TYW1B: variants seen among roughly 807,000 people sequenced by gnomAD.
TYW1B encodes the protein tRNA-yW synthesizing protein 1 homolog B.
Under a neutral mutation model 86.9 loss-of-function variants are expected in TYW1B, and 73 were observed. The observed-to-expected ratio is 0.84, with a 90% CI of 0.70 to 1.02. TYW1B has a LOEUF of 1.02. Ranked by LOEUF, TYW1B falls within the 50% of genes least tolerant of loss-of-function variation. The pLI, the probability that TYW1B is intolerant of heterozygous loss-of-function variation, is 0.00. For synonymous variants in TYW1B, 248 were observed against 292.8 expected, an observed-to-expected ratio of 0.85 and a Z score of 1.56; for missense variants, 637 against 827.4, an observed-to-expected ratio of 0.77 and a Z score of 2.82.
At chr7:72,593,524 T>C (rs1274816540) in intron 13 of TYW1B, among the ~76,000 whole-genome samples, 2 of 151,672 alleles carry the variant, frequency 1.3e-5, no homozygotes, top group South Asian at 2.1e-4. Context: ...GGGATGAAGT[T>C]AAAAATCAAT....
At chr7:72,805,089 G>C (rs1353686643) in intron 5 of TYW1B, among the ~76,000 whole-genome samples, 1 of 151,924 alleles carries the variant, frequency 6.6e-6, no homozygotes, top group East Asian at 1.9e-4. Flanking sequence ...AGTACTGCTT[G>C]AAAATTAATT....
intron 10 of TYW1B, among the ~76,000 whole-genome samples, chr7:72,712,713 C>G (rs192908807): frequency 6.6e-6 from 1 of 152,292 alleles, no homozygotes; most frequent in Admixed American, 6.5e-5. Flanking sequence ...TCATCATCTC[C>G]TATCTAGGCT....
intron 11 of TYW1B, among the ~76,000 whole-genome samples, chr7:72,659,349 C>G (rs2129569408): frequency 6.6e-6 from 1 of 152,266 alleles, no homozygotes; most frequent in East Asian, 1.9e-4. Context: ...GAGGCCCAGG[C>G]AGGTGGATCA....
intron 11 of TYW1B, among the ~76,000 whole-genome samples, chr7:72,681,344 C>T (rs1177448400): frequency 2.0e-5 from 3 of 152,108 alleles, no homozygotes; most frequent in African/African-American, 7.2e-5. Flanking sequence ...TCTTGCCTTC[C>T]CTAGGGGACC....
chr7:72,697,246 T>C (rs1357000520), intron 10 of TYW1B, among the ~76,000 whole-genome samples: 10 of 151,946 alleles, frequency 6.6e-5, no homozygotes, highest in South Asian at 2.1e-4. Context: ...ATTTACAAAA[T>C]AGGAAGGCCT....
chr7:72,643,290 G>A (rs1468139393), intron 11 of TYW1B, among the ~76,000 whole-genome samples: 5 of 152,014 alleles, frequency 3.3e-5, no homozygotes, highest in Non-Finnish European at 5.9e-5. Flanking sequence ...CAAATTAATG[G>A]AAAGAATAAG....
intron 8 of TYW1B, among the ~76,000 whole-genome samples, chr7:72,732,154 A>C (rs1554460072): frequency 6.6e-6 from 1 of 152,170 alleles, no homozygotes; most frequent in African/African-American, 2.4e-5. Context: ...ATGAGATCTA[A>C]TGGGAAAGAT....
At chr7:72,729,662 A>G (rs1318520411) in intron 8 of TYW1B, among the ~76,000 whole-genome samples, 5 of 152,016 alleles carry the variant, frequency 3.3e-5, no homozygotes, top group Admixed American at 3.3e-4. Flanking sequence ...AGACAGACAC[A>G]ATGCCAGAGC....
intron 6 of TYW1B, among the ~76,000 whole-genome samples, chr7:72,799,944 C>T (rs1405938584): frequency 6.6e-6 from 1 of 151,974 alleles, no homozygotes; most frequent in Non-Finnish European, 1.5e-5. Context: ...TTGAATCATA[C>T]AGAAAAGCTT....
chr7:72,687,683 C>A (rs34416900), intron 11 of TYW1B, among the ~76,000 whole-genome samples: 1 of 151,958 alleles, frequency 6.6e-6, no homozygotes, highest in Non-Finnish European at 1.5e-5. Flanking sequence ...AAAATAAATT[C>A]AAAAGTTCAA....
At chr7:72,661,104 C>A (rs1245456752) in intron 11 of TYW1B, among the ~76,000 whole-genome samples, 1 of 150,436 alleles carries the variant, frequency 6.6e-6, no homozygotes, top group Non-Finnish European at 1.5e-5. Context: ...CACTACACTT[C>A]AGTCTGGACA....
chr7:72,689,190 T>C (rs1373362437), intron 11 of TYW1B, among the ~76,000 whole-genome samples: 7 of 151,926 alleles, frequency 4.6e-5, no homozygotes, highest in East Asian at 1.9e-4. Flanking sequence ...ATAAACCAAA[T>C]AGGTCAATAA....
At chr7:72,694,902 A>G in intron 10 of TYW1B, 80 bp from the exon 11 acceptor site, 1 of 1,496,000 alleles carries the variant, frequency 6.7e-7, no homozygotes, top group South Asian at 1.4e-5. Flanking sequence ...CCTGTAATAG[A>G]CATGGGTATT....
At position 72,623,489 on chromosome 7, in the gene TYW1B, C is replaced by T. The variant is rs1812274288; in HGVS notation, c.1617+5398G>A. Among the ~76,000 whole-genome samples, 7 of 152,136 alleles carry T rather than the reference C, an allele frequency of 4.6e-5. No homozygotes were observed. The South Asian group carries it at 1.5e-3, about 32-fold the overall frequency. ...TACAGAACAAGCCTTCCAAGTGTTA[C>T]TGTGTCCGTGGGTAAGTTTTTCCCT... On this transcript the variant is annotated intron_variant, in intron 12 of 13. Coordinates refer to ENST00000620995, the MANE Select transcript of TYW1B (RefSeq NM_001145440.3).
intron 11 of TYW1B, among the ~76,000 whole-genome samples, chr7:72,642,297 A>G (rs1585870040): frequency 6.6e-6 from 1 of 152,354 alleles, no homozygotes; most frequent in East Asian, 1.9e-4. Flanking sequence ...AGGCAATTAG[A>G]TATGACACCA....
At chr7:72,744,116 A>G (rs1554462972) in intron 8 of TYW1B, among the ~76,000 whole-genome samples, 2 of 151,948 alleles carry the variant, frequency 1.3e-5, no homozygotes, top group Non-Finnish European at 2.9e-5. Flanking sequence ...TCGTAGATAG[A>G]AAAAAAAGAA....
chr7:72,805,677 G>C (rs1304899705), intron 5 of TYW1B, among the ~76,000 whole-genome samples: 1 of 151,860 alleles, frequency 6.6e-6, no homozygotes, highest in Middle Eastern at 3.2e-3. Flanking sequence ...GTAAGCATGA[G>C]AGGAACTTGA....
At chr7:72,706,250 G>T (rs1290271888) in intron 10 of TYW1B, among the ~76,000 whole-genome samples, 5 of 152,014 alleles carry the variant, frequency 3.3e-5, no homozygotes, top group Non-Finnish European at 7.4e-5. Flanking sequence ...CCAACATGGA[G>T]AAACCCGTCT....
chr7:72,696,228 G>A (rs1310355116), intron 10 of TYW1B, among the ~76,000 whole-genome samples: 2 of 152,134 alleles, frequency 1.3e-5, no homozygotes, highest in Non-Finnish European at 2.9e-5. Context: ...GATTACAGGC[G>A]TGAGCCACTG....
Sources: gnomAD v4.1 joint callset for allele counts (sites outside exome capture counted in the v4.1 genomes callset) on GRCh38, gnomAD v4.1.1 for gene constraint, MANE v1.5 for transcripts, NCBI Gene and HGNC (gene_info 2026-07-23, HGNC 2026-07-21) for gene names.